Variants in LRRC4C observed in about 807,000 individuals in gnomAD.
LRRC4C encodes leucine-rich repeat-containing protein 4C.
LRRC4C carries 5 observed loss-of-function variants against 33.6 expected under a neutral mutation model. That is an observed-to-expected ratio of 0.15 (90% CI 0.08 to 0.31). The LOEUF (loss-of-function observed/expected upper bound fraction) is 0.31, where lower values mean the gene tolerates loss of function less well. LRRC4C is among the 10% of genes least tolerant of loss of function. The pLI is 1.00. For missense variants in LRRC4C, 560 were observed against 796.7 expected (o/e 0.70, Z 3.58); for synonymous variants, 329 against 302.0 (o/e 1.09, Z -0.93).
intron 1 of LRRC4C, among the ~76,000 whole-genome samples, chr11:40,971,529 G>C (rs535614121): frequency 1.3e-5 from 2 of 152,314 alleles, no homozygotes; most frequent in South Asian, 4.1e-4. Flanking sequence ...GCAGAAGCCT[G>C]CTTTGGGGGT....
chr11:40,543,518 G>A (rs540578182), intron 3 of LRRC4C, among the ~76,000 whole-genome samples: 23 of 152,124 alleles, frequency 1.5e-4, no homozygotes, highest in African/African-American at 5.3e-4. Flanking sequence ...ATTGAAATAC[G>A]TTCTCACTGG....
intron 1 of LRRC4C, among the ~76,000 whole-genome samples, chr11:41,368,623 A>G (rs1452410020): frequency 6.6e-6 from 1 of 152,176 alleles, no homozygotes; most frequent in East Asian, 1.9e-4. Context: ...TGGTCTACCA[A>G]CCATCACACA....
intron 3 of LRRC4C, among the ~76,000 whole-genome samples, chr11:40,353,261 C>CT (rs1378650434): frequency 6.6e-6 from 1 of 151,714 alleles, no homozygotes. Flanking sequence ...GTAGTTCATT[C>CT]TTTTTTATTC....
At chr11:40,217,320 CT>C (rs1237637523) in intron 5 of LRRC4C, among the ~76,000 whole-genome samples, 1 of 151,922 alleles carries the variant, frequency 6.6e-6, no homozygotes, top group Admixed American at 6.6e-5. Flanking sequence ...CATTAATAAA[CT>C]TTAGTAAGAA....
intron 1 of LRRC4C, among the ~76,000 whole-genome samples, chr11:41,373,409 A>G (rs1340989004): frequency 1.3e-5 from 2 of 152,186 alleles, no homozygotes; most frequent in Non-Finnish European, 2.9e-5. Context: ...TAAAACTGTC[A>G]GTTAAATTTT....
At chr11:41,013,424 A>G (rs1855354505) in intron 1 of LRRC4C, among the ~76,000 whole-genome samples, 2 of 152,176 alleles carry the variant, frequency 1.3e-5, no homozygotes, top group African/African-American at 2.4e-5. Flanking sequence ...TGTTCTCCCA[A>G]TTATTAATGA....
intron 3 of LRRC4C, among the ~76,000 whole-genome samples, chr11:40,387,984 C>T (rs1949177465): frequency 6.6e-6 from 1 of 152,078 alleles, no homozygotes; most frequent in African/African-American, 2.4e-5. Context: ...GTATGATTGA[C>T]TCAAGGATGA....
chr11:40,387,341 T>C (rs1949150884), intron 3 of LRRC4C, among the ~76,000 whole-genome samples: 1 of 152,112 alleles, frequency 6.6e-6, no homozygotes, highest in South Asian at 2.1e-4. Context: ...AAGTAAATAA[T>C]TTGATTCAGA....
At position 41,205,559 on chromosome 11, in the gene LRRC4C, C is replaced by T. The variant is rs536007932; in HGVS notation, c.-496+253872G>A. 1.1e-4 allele frequency among the ~76,000 whole-genome samples: 17 copies of T among 152,294 alleles called. No homozygotes were observed. The East Asian group carries it at 3.3e-3, about 29-fold the overall frequency. ...AAATCACAGAGTCAATACCCTCAAACTTGGACAAACGTGGCTCAGAGATAA... is the reference window on the plus strand; with the variant it reads ...AAATCACAGAGTCAATACCCTCAAATTTGGACAAACGTGGCTCAGAGATAA... On this transcript the variant is annotated intron_variant, in intron 1 of 6. Coordinates refer to ENST00000528697, the MANE Select transcript of LRRC4C (RefSeq NM_001258419.2).
intron 3 of LRRC4C, among the ~76,000 whole-genome samples, chr11:40,607,475 G>T (rs541238777): frequency 6.6e-6 from 1 of 152,268 alleles, no homozygotes; most frequent in Non-Finnish European, 1.5e-5. Flanking sequence ...ATCAGCAGAA[G>T]AACACACTGA....
At chr11:40,373,451 T>C (rs891173693) in intron 3 of LRRC4C, among the ~76,000 whole-genome samples, 2 of 152,002 alleles carry the variant, frequency 1.3e-5, no homozygotes, top group African/African-American at 4.8e-5. Flanking sequence ...GAATATAAAA[T>C]TTTTTCCCCA....
chr11:41,455,532 A>C (rs1219184801), intron 1 of LRRC4C, among the ~76,000 whole-genome samples: 3 of 152,200 alleles, frequency 2.0e-5, no homozygotes, highest in Non-Finnish European at 4.4e-5. Flanking sequence ...TAGAGTCAAC[A>C]CATTTGGAAA....
chr11:40,237,714 C>G (rs991343101), intron 5 of LRRC4C, among the ~76,000 whole-genome samples: 1 of 152,060 alleles, frequency 6.6e-6, no homozygotes, highest in Non-Finnish European at 1.5e-5. Context: ...GCTAGATAAT[C>G]GTGAAAACCC....
intron 3 of LRRC4C, among the ~76,000 whole-genome samples, chr11:40,471,617 A>G (rs2861894): frequency 0.51 from 76,854 of 150,634 alleles, 19,871 homozygotes; most frequent in East Asian, 0.72. Flanking sequence ...CCCATCTCAC[A>G]TGCAAAGACA....
At chr11:40,893,651 A>C (rs982951987) in intron 2 of LRRC4C, among the ~76,000 whole-genome samples, 2 of 152,088 alleles carry the variant, frequency 1.3e-5, no homozygotes, top group African/African-American at 4.8e-5. Flanking sequence ...AAGGGCATAT[A>C]ATTGGTTTTA....
chr11:41,249,282 C>T (rs1948560105), intron 1 of LRRC4C, among the ~76,000 whole-genome samples: 1 of 152,136 alleles, frequency 6.6e-6, no homozygotes, highest in Admixed American at 6.5e-5. Context: ...GATCTGCCCT[C>T]CTCGGCCTCC....
intron 3 of LRRC4C, among the ~76,000 whole-genome samples, chr11:40,416,111 G>A (rs374546317): frequency 1.3e-5 from 2 of 152,124 alleles, no homozygotes; most frequent in Admixed American, 1.3e-4. Context: ...CAGGCTGAGA[G>A]AGGCAGAGAA....
chr11:40,942,031 G>C (rs1958174344), intron 1 of LRRC4C, among the ~76,000 whole-genome samples: 1 of 152,250 alleles, frequency 6.6e-6, no homozygotes, highest in African/African-American at 2.4e-5. Flanking sequence ...GGTGAATAAG[G>C]GAGAGATTTC....
At chr11:41,433,709 G>A (rs989578128) in intron 1 of LRRC4C, among the ~76,000 whole-genome samples, 4 of 151,998 alleles carry the variant, frequency 2.6e-5, no homozygotes, top group Non-Finnish European at 2.9e-5. Flanking sequence ...TTTGGGACTC[G>A]GACTGGCTTC....
Sources: allele counts gnomAD v4.1 joint callset (sites outside exome capture counted in the v4.1 genomes callset), GRCh38; gene constraint gnomAD v4.1.1; transcripts MANE v1.5; gene names NCBI Gene and HGNC (gene_info 2026-07-23, HGNC 2026-07-21).